The following SYNE1 variants were observed in gnomAD, a reference collection of about 807,000 sequenced individuals.
SYNE1 encodes spectrin repeat containing nuclear envelope protein 1, also known as nesprin-1.
A neutral mutation model predicts 1,111.0 loss-of-function variants in SYNE1; 616 were observed. The observed-to-expected ratio is 0.55, with a 90% CI of 0.52 to 0.59. SYNE1 has a LOEUF of 0.59. SYNE1 is among the 20% of genes least tolerant of loss of function. The probability of loss-of-function intolerance (pLI) is 0.00; values close to 1 mark genes in which losing one functional copy is unlikely to be tolerated. For synonymous variants in SYNE1, 3,855 were observed against 3,825.8 expected (o/e 1.01, Z -0.28); for missense variants, 10,006 against 10,417.0 (o/e 0.96, Z 1.72).
intron 105 of SYNE1, among the ~76,000 whole-genome samples, chr6:152,246,858 A>G (rs913493001): frequency 6.6e-6 from 1 of 152,200 alleles, no homozygotes; most frequent in Admixed American, 6.5e-5. Context: ...ATGAAGAAAA[A>G]GCCTTGAAAC....
chr6:152,217,113 T>A (rs1053485232), intron 121 of SYNE1, among the ~76,000 whole-genome samples: 2 of 128,260 alleles, frequency 1.6e-5, no homozygotes, highest in African/African-American at 6.0e-5. Flanking sequence ...TTTTTTTTTT[T>A]TAAAAAAGTA....
chr6:152,360,284 C>T (rs1022180698), intron 64 of SYNE1, among the ~76,000 whole-genome samples: 2 of 152,190 alleles, frequency 1.3e-5, no homozygotes, highest in Non-Finnish European at 2.9e-5. Flanking sequence ...CTACTCTCTG[C>T]TGCAACAACA....
rs6939382 is a variant in SYNE1, at chr6:152,269,482, T to G, written c.18574-196A>C. On this transcript the variant is annotated intron_variant, in intron 98 of 145. Coordinates refer to ENST00000367255, the MANE Select transcript of SYNE1 (RefSeq NM_182961.4). ...GGCATTTGCAGGAGCAAGAACAACATACAGATAATCACACATAGAACTGTT... is the reference window on the plus strand; with the variant it reads ...GGCATTTGCAGGAGCAAGAACAACAGACAGATAATCACACATAGAACTGTT... 0.65 allele frequency among the ~76,000 whole-genome samples: 99,415 copies of G among 152,040 alleles called. 32,879 individuals carry two copies. Among genetic ancestry groups the G allele is most frequent in the East Asian group, 0.82 (4,254 of 5,164 alleles).
In SYNE1 at chr6:152,149,577, T is replaced by A. The variant is rs779695899; in HGVS notation, c.24542A>T (p.Asp8181Val). The A allele has an allele frequency of 1.9e-6, 3 of 1,614,056 alleles. No individual in the cohort carries two copies. Among genetic ancestry groups the A allele is most frequent in the Non-Finnish European group, 2.5e-6 (3 of 1,180,024 alleles). ...TAGTTCCTCCTCGATGATCGCTGCA[T>A]CCAAGGGCTCACTCTTTTCTATCAG... The part of the protein sequence containing the change: ...EQLIEKSEPL[D>V]AAIIEEELDE... Residue 8181 changes from aspartate (D) to valine (V), a missense_variant, in exon 136 of 146, where the codon GAT (aspartate) becomes GTT (valine). Asp to Val is a radical substitution (Grantham distance 152, BLOSUM62 -3). Around this residue, in one of 7 missense-constraint regions of SYNE1, gnomAD observed 761 missense variants for 795.5 expected, o/e 0.96. Transcript: ENST00000367255.
intron 129 of SYNE1, among the ~76,000 whole-genome samples, chr6:152,177,381 A>G (rs1448003387): frequency 6.6e-6 from 1 of 152,204 alleles, no homozygotes. Context: ...CCACAGTGAC[A>G]GGATCCAGTC....
intron 130 of SYNE1, among the ~76,000 whole-genome samples, chr6:152,170,915 C>T (rs1240118776): frequency 6.6e-6 from 1 of 152,096 alleles, no homozygotes; most frequent in Non-Finnish European, 1.5e-5. Context: ...GTGGTTTCCC[C>T]CAGACTGTTC....
At position 152,472,493 on chromosome 6, in the gene SYNE1, C is replaced by A. The variant is rs4530871; in HGVS notation, c.1351-80G>T. ...TAAGAAGCATAATTTCCAGCCCGCA[C>A]CGATGAGTCAATGTATTCAACAATT... On this transcript the variant is annotated intron_variant, in intron 14 of 145. Transcript: ENST00000367255. 134 of 1,274,092 alleles carry A rather than the reference C, an allele frequency of 1.1e-4. 2 individuals are homozygous for A. The South Asian group carries it at 1.4e-3, about 13-fold the overall frequency. The allele number at this position is 1,274,092 out of a possible 1,614,324, so 78.9% of individuals were successfully genotyped here. A position where few individuals can be genotyped will look rare whatever the true frequency, so the allele number is the denominator to read the frequency against.
chr6:152,157,760 CTTT>C (rs545941179), intron 131 of SYNE1, among the ~76,000 whole-genome samples: 5 of 135,094 alleles, frequency 3.7e-5, no homozygotes, highest in Non-Finnish European at 3.3e-5. Context: ...AGAACAAATT[CTTT>C]TTTTTTTTTT....
At chr6:152,547,615 G>T (rs1054792549) in intron 3 of SYNE1, among the ~76,000 whole-genome samples, 3 of 152,128 alleles carry the variant, frequency 2.0e-5, no homozygotes, top group African/African-American at 7.2e-5. Context: ...TGAAAAATAA[G>T]ATATTTTCTT....
At chr6:152,614,583 C>T (rs1230226206) in intron 3 of SYNE1, among the ~76,000 whole-genome samples, 1 of 152,148 alleles carries the variant, frequency 6.6e-6, no homozygotes, top group Non-Finnish European at 1.5e-5. Context: ...GGCGATTCCT[C>T]AAGGATCTAG....
chr6:152,563,542 A>T (rs921598830), intron 3 of SYNE1, among the ~76,000 whole-genome samples: 18 of 152,310 alleles, frequency 1.2e-4, no homozygotes, highest in African/African-American at 4.3e-4. Context: ...CACAATGAGA[A>T]ATATATCAAC....
At chr6:152,562,437 A>G (rs2099398039) in intron 3 of SYNE1, among the ~76,000 whole-genome samples, 1 of 152,234 alleles carries the variant, frequency 6.6e-6, no homozygotes, top group Non-Finnish European at 1.5e-5. Flanking sequence ...ACCCTTGGAC[A>G]TTGTTGGTGA....
intron 138 of SYNE1, among the ~76,000 whole-genome samples, chr6:152,142,797 A>G (rs979117624): frequency 1.3e-5 from 2 of 152,340 alleles, no homozygotes; most frequent in Middle Eastern, 3.4e-3. Flanking sequence ...AATTATAAGG[A>G]TAATAAAATC....
intron 138 of SYNE1, among the ~76,000 whole-genome samples, chr6:152,142,342 C>A (rs1362709789): frequency 6.6e-6 from 1 of 151,872 alleles, no homozygotes; most frequent in Non-Finnish European, 1.5e-5. Context: ...AATGTGGGAA[C>A]GTTAATGTTA....
At position 152,395,689 on chromosome 6, in the gene SYNE1, C is replaced by T. The variant is rs2097720850; in HGVS notation, c.7557-18G>A. 6.2e-7 allele frequency: 1 copy of T among 1,613,710 alleles called. No homozygotes were observed. The highest frequency in any genetic ancestry group is 8.5e-7 in the Non-Finnish European group (1 of 1,179,772). On this transcript the variant is annotated intron_variant, in intron 50 of 145. Coordinates refer to ENST00000367255, the MANE Select transcript of SYNE1 (RefSeq NM_182961.4). ...CTTCAAAGCTAAGGGAAAGAAAATG[C>T]CTTAGAGAAATTCTTACATGCTTGT...
At chr6:152,404,120 C>A in intron 46 of SYNE1, 93 bp downstream of exon 46, 6 of 552,878 alleles carry the variant, frequency 1.1e-5, no homozygotes, top group East Asian at 5.2e-5. Flanking sequence ...TATATATACA[C>A]ACACACACAC....
intron 3 of SYNE1, among the ~76,000 whole-genome samples, chr6:152,618,353 A>T (rs1241812643): frequency 6.6e-6 from 1 of 152,230 alleles, no homozygotes; most frequent in Admixed American, 6.5e-5. Context: ...CAACAACAAC[A>T]TATAACAAAT....
intron 92 of SYNE1, 55 bp from the exon 93 acceptor site, chr6:152,300,836 T>A (rs1478860721): frequency 1.1e-5 from 18 of 1,613,178 alleles, no homozygotes; most frequent in Non-Finnish European, 1.4e-5. Context: ...TATGTTAACA[T>A]AAGTCCTGTT....
Position 152,309,713 on chromosome 6 carries a change from A to G in SYNE1, c.17202+122T>C, listed in dbSNP as rs1589764729. On this transcript the variant is annotated intron_variant, in intron 90 of 145. Coordinates refer to ENST00000367255, the MANE Select transcript of SYNE1 (RefSeq NM_182961.4). ...TTTAATCTCCTTATTTTATAAAACCACAACAGCCTGTCAGATTCAACACCC... is the reference window on the plus strand; with the variant it reads ...TTTAATCTCCTTATTTTATAAAACCGCAACAGCCTGTCAGATTCAACACCC... The G allele has an allele frequency of 6.9e-6, 9 of 1,311,544 alleles. No homozygotes were observed. The East Asian group carries it at 2.1e-4, about 31-fold the overall frequency. The allele number at this position is 1,311,544 out of a possible 1,614,324, so 81.2% of individuals were successfully genotyped here.
Sources: gnomAD v4.1 joint callset for allele counts (sites outside exome capture counted in the v4.1 genomes callset) on GRCh38, gnomAD v4.1.1 for gene constraint, gnomAD v4.1.1 regional missense constraint, MANE v1.5 for transcripts, NCBI Gene and HGNC (gene_info 2026-07-23, HGNC 2026-07-21) for gene names.